Variants in FGFR1 observed in about 807,000 individuals in gnomAD.
FGFR1 encodes the protein FGFR1/PLAG1 fusion.
Under a neutral mutation model 93.7 loss-of-function variants are expected in FGFR1, and 18 were observed. The ratio of observed to expected loss-of-function variants is 0.19; its 90% CI spans 0.13 to 0.28. FGFR1 has a LOEUF of 0.28. Among genes scored for constraint, FGFR1 ranks in the 10% least tolerant of loss-of-function variants. FGFR1 has a pLI of 1.00. For missense variants in FGFR1, 731 were observed against 1,080.4 expected (o/e 0.68, Z 4.53); for synonymous variants, 448 against 429.3 (o/e 1.04, Z -0.54).
At chr8:38,414,493 C>T (rs2150545476) in intron 15 of FGFR1, 66 bp downstream of exon 15, 3 of 1,584,050 alleles carry the variant, frequency 1.9e-6, no homozygotes, top group Admixed American at 1.7e-5. Context: ...AGGGAGAAAG[C>T]AGGACTCTAC....
intron 1 of FGFR1, chr8:38,463,166 A>G (rs903790358): frequency 1.9e-5 from 3 of 161,162 alleles, no homozygotes; most frequent in African/African-American, 7.2e-5. Flanking sequence ...TTGGCCTCCC[A>G]AAGTGCTGGG....
chr8:38,414,076 G>A (rs1815392300), intron 16 of FGFR1, 53 bp from the exon 17 acceptor site: 1 of 1,613,732 alleles, frequency 6.2e-7, no homozygotes, highest in Non-Finnish European at 8.5e-7. Context: ...ATACTCTCTA[G>A]TCTAGCCCCC....
chr8:38,463,514 G>GTC (rs1834871513), intron 1 of FGFR1: 1 of 221,036 alleles, frequency 4.5e-6, no homozygotes, highest in South Asian at 1.8e-4. Flanking sequence ...TCAGAACAGG[G>GTC]TCTGTGCCTC....
intron 1 of FGFR1, among the ~76,000 whole-genome samples, chr8:38,464,312 CAAAAAAAAAAAAA>C (rs56133772): frequency 4.9e-5 from 4 of 82,396 alleles, no homozygotes; most frequent in Admixed American, 4.2e-4. Context: ...GAGACTATCT[CAAAAAAAAAAAAA>C]AAAAAAAAAA....
intron 1 of FGFR1, chr8:38,466,259 G>A (rs1366432563): frequency 4.3e-6 from 1 of 232,572 alleles, no homozygotes; most frequent in Non-Finnish European, 8.5e-6. Context: ...TGCTCCGGGA[G>A]GGGCGCGTGA....
chr8:38,458,017 G>A (rs534567976), intron 1 of FGFR1, among the ~76,000 whole-genome samples: 2 of 152,158 alleles, frequency 1.3e-5, no homozygotes, highest in South Asian at 2.1e-4. Flanking sequence ...TTGGACAGAG[G>A]GATGCTTTAG....
chr8:38,429,248 T>G lies in FGFR1; in HGVS notation c.358+434A>C. On this transcript the variant is annotated intron_variant, in intron 3 of 17. Transcript: ENST00000447712. The surrounding 1 kb of genome is among the most constrained non-coding windows in gnomAD (Gnocchi z 4.4). ...TCGCACAGCTCCCTTGCGGTGCACC[T>G]GGGTTCCTCTCCAGCAGAGCAGGGA... is the stretch of plus-strand genomic sequence containing the variant. 1 of 482,600 alleles carries G rather than the reference T, an allele frequency of 2.1e-6. No homozygotes were observed. Among genetic ancestry groups the G allele is most frequent in the Non-Finnish European group, 4.1e-6 (1 of 243,314 alleles). The allele number at this position is 482,600 out of a possible 1,614,324, so 29.9% of individuals were successfully genotyped here. A position where few individuals can be genotyped will look rare whatever the true frequency, so the allele number is the denominator to read the frequency against.
intron 2 of FGFR1, chr8:38,434,555 G>C (rs1181607810): frequency 1.0e-5 from 3 of 288,952 alleles, no homozygotes; most frequent in Non-Finnish European, 1.4e-5. Flanking sequence ...TTCTTATAGT[G>C]ATTCTCAAAG....
At position 38,429,829 on chromosome 8, in the gene FGFR1, C is replaced by A. The variant is rs561300213; in HGVS notation, c.211G>T (p.Val71Leu). ...VQSINWLRDG[V>L]QLAESNRTRI... Reference sequence around the variant, plus strand: ...GTGCGGTTGCTTTCCGCCAGCTGCACCCCGTCCCGCAGCCAGTTGATGCTC... The same window carrying A: ...GTGCGGTTGCTTTCCGCCAGCTGCAACCCGTCCCGCAGCCAGTTGATGCTC... The change falls in exon 3 of 18, where the codon GTG becomes TTG. Residue 71 changes from valine (V) to leucine (L), a missense_variant. Val to Leu is a conservative substitution (Grantham distance 32, BLOSUM62 1). This residue lies in a region of FGFR1 where 212 missense variants were observed against 205.8 expected (regional missense o/e 1.03). Coordinates refer to ENST00000447712, the MANE Select transcript of FGFR1 (RefSeq NM_023110.3). This position sits in a 1 kb window ranked among gnomAD's most constrained non-coding sequence, Gnocchi z 4.4. 1.4e-5 allele frequency: 22 copies of A among 1,613,940 alleles called. No individual in the cohort carries two copies. In the African/African-American group the frequency reaches 1.7e-4, roughly 13 times the overall value.
chr8:38,415,351 T>C (rs1226066134), intron 13 of FGFR1, among the ~76,000 whole-genome samples: 1 of 152,130 alleles, frequency 6.6e-6, no homozygotes, highest in Non-Finnish European at 1.5e-5. Context: ...TGGGGTGCAG[T>C]GGTGTGATCA....
chr8:38,420,041 A>G (rs17175989), intron 8 of FGFR1: 66 of 408,588 alleles, frequency 1.6e-4, no homozygotes, highest in African/African-American at 1.2e-3. Context: ...AGGTACAGGC[A>G]CCCAGGGATC....
At position 38,427,038 on chromosome 8, in the gene FGFR1, T is replaced by A. The variant is rs1586328544; in HGVS notation, c.622-793A>T. ...AGGAGAATGGCATGAACCTGGGAGG[T>A]GGAGCTTGCAGTGAGCCAAGATGGC... On this transcript the variant is annotated intron_variant, in intron 5 of 17. Coordinates refer to ENST00000447712, the MANE Select transcript of FGFR1 (RefSeq NM_023110.3). Among the ~76,000 whole-genome samples the A allele has an allele frequency of 2.7e-5, 4 of 148,484 alleles. No individual in the cohort carries two copies. The Admixed American group carries it at 2.7e-4, about 10-fold the overall frequency.
At position 38,457,469 on chromosome 8, in the gene FGFR1, G is replaced by A. The variant is rs770617767; in HGVS notation, c.-23C>T. On this transcript the variant is annotated 5_prime_UTR_variant, in exon 2 of 18. Coordinates refer to ENST00000447712, the MANE Select transcript of FGFR1 (RefSeq NM_023110.3). ...CATCCCAGTTCTGCAGTTAGAGGTTGGTGACAAGGCTCCACATCTCCATGG... is the reference window on the plus strand; with the variant it reads ...CATCCCAGTTCTGCAGTTAGAGGTTAGTGACAAGGCTCCACATCTCCATGG... The A allele has an allele frequency of 1.2e-5, 19 of 1,613,610 alleles. No individual in the cohort carries two copies. The highest frequency in any genetic ancestry group is 6.7e-5 in the African/African-American group (5 of 74,908).
chr8:38,432,488 C>T (rs1823530808), intron 2 of FGFR1, among the ~76,000 whole-genome samples: 1 of 151,028 alleles, frequency 6.6e-6, no homozygotes, highest in African/African-American at 2.4e-5. Flanking sequence ...TCTCGGCTCA[C>T]TGCAACCTCT....
rs1814494535 is a variant in FGFR1, at chr8:38,411,799, C to T, written c.*1829G>A. On this transcript the variant is annotated 3_prime_UTR_variant, in exon 18 of 18. Transcript: ENST00000447712. ...CAAAAACATTCGGAGAATTTTCCCC[C>T]CGTTCCTGAGGGACAGGATGGAGTT... The T allele has an allele frequency of 4.3e-6, 1 of 230,124 alleles. No homozygotes were observed. Among genetic ancestry groups the T allele is most frequent in the South Asian group, 1.8e-4 (1 of 5,508 alleles). 14.3% of individuals were successfully genotyped at this position (230,124 alleles called of 1,614,324 possible).
At chr8:38,438,360 G>C (rs1826144199) in intron 2 of FGFR1, among the ~76,000 whole-genome samples, 1 of 152,012 alleles carries the variant, frequency 6.6e-6, no homozygotes, top group South Asian at 2.1e-4. Context: ...TGGCCAACAT[G>C]GTGAAACCCT....
intron 2 of FGFR1, among the ~76,000 whole-genome samples, chr8:38,437,012 C>G (rs1360323011): frequency 1.3e-5 from 2 of 152,154 alleles, no homozygotes; most frequent in Non-Finnish European, 2.9e-5. Context: ...TCCCGAGTAG[C>G]TGGGACTATA....
intron 7 of FGFR1, 59 bp from the exon 8 acceptor site, chr8:38,422,000 G>A (rs4647910): frequency 0.013 from 19,982 of 1,585,914 alleles, 134 homozygotes; most frequent in Non-Finnish European, 0.014. Context: ...TCTAAGAGAC[G>A]CAGAGCAAGG....
chr8:38,437,501 A>G (rs766191602), intron 2 of FGFR1, among the ~76,000 whole-genome samples: 11 of 152,210 alleles, frequency 7.2e-5, no homozygotes, highest in African/African-American at 2.4e-4. Flanking sequence ...CATGAAACAT[A>G]AAGAAAAGTA....
Sources: gnomAD v4.1 joint callset for allele counts (sites outside exome capture counted in the v4.1 genomes callset) on GRCh38, gnomAD v4.1.1 for gene constraint, gnomAD v4.1.1 regional missense constraint, Gnocchi (gnomAD v3.1) non-coding constraint, MANE v1.5 for transcripts, NCBI Gene and HGNC (gene_info 2026-07-23, HGNC 2026-07-21) for gene names.